BIRC2: variants seen among roughly 807,000 people sequenced by gnomAD.
BIRC2 encodes baculoviral IAP repeat containing 2, also known as baculoviral IAP repeat-containing protein 2.
In BIRC2, 18 loss-of-function variants were observed where a neutral mutation model predicts 60.9. That is an observed-to-expected ratio of 0.30 (90% CI 0.20 to 0.44). The LOEUF (loss-of-function observed/expected upper bound fraction) is 0.44, where lower values mean the gene tolerates loss of function less well. BIRC2 is among the 20% of genes least tolerant of loss of function. The pLI, the probability that BIRC2 is intolerant of heterozygous loss-of-function variation, is 1.00. For synonymous variants in BIRC2, 282 were observed against 247.7 expected (o/e 1.14, Z -1.30); for missense variants, 701 against 728.5 (o/e 0.96, Z 0.43).
chr11:102,369,018 G>A (rs555259041), intron 6 of BIRC2, among the ~76,000 whole-genome samples: 47 of 151,544 alleles, frequency 3.1e-4, no homozygotes, highest in Admixed American at 9.9e-4. Context: ...GAAATTCTGG[G>A]GCTTGATGAG....
In BIRC2 at chr11:102,350,403, T is replaced by C. The variant is rs1565330463; in HGVS notation, c.549T>C (p.Thr183=). 1.2e-6 allele frequency: 2 copies of C among 1,614,240 alleles called. No individual in the cohort carries two copies. Among genetic ancestry groups the C allele is most frequent in the African/African-American group, 1.3e-5 (1 of 75,068 alleles). ...ACCCCTACAGTTATGCAATGAGTAC[T>C]GAAGAAGCCAGATTTCTTACCTACC... ...RTNPYSYAMS[T]EEARFLTYHM... Residue 183 remains threonine (T), a synonymous_variant, in exon 2 of 9, where the codon ACT becomes ACC. Coordinates refer to ENST00000227758, the MANE Select transcript of BIRC2 (RefSeq NM_001166.5).
intron 3 of BIRC2, among the ~76,000 whole-genome samples, chr11:102,362,421 A>G (rs531485547): frequency 6.6e-6 from 1 of 152,356 alleles, no homozygotes; most frequent in Admixed American, 6.5e-5. Context: ...ATAGATAAAA[A>G]TATTTGATTC....
intron 4 of BIRC2, 75 bp downstream of exon 4, chr11:102,363,049 A>C: frequency 8.6e-7 from 1 of 1,161,204 alleles, no homozygotes; most frequent in Non-Finnish European, 1.2e-6. Context: ...TTGGTATAAA[A>C]GTGATCATGA....
In BIRC2 at chr11:102,378,244, G is replaced by A; in HGVS notation, c.*61G>A. The A allele has an allele frequency of 3.9e-6, 5 of 1,292,348 alleles. No homozygotes were observed. Among genetic ancestry groups the A allele is most frequent in the Non-Finnish European group, 4.1e-6 (4 of 965,594 alleles). 80.1% of individuals were successfully genotyped at this position (1,292,348 alleles called of 1,614,324 possible). A position where few individuals can be genotyped will look rare whatever the true frequency, so the allele number is the denominator to read the frequency against. ...GTCTTTAAAATATTGTTGAACACTT[G>A]AAGCCATCTAAAGTAAAAAGGGAAT... is the stretch of plus-strand genomic sequence containing the variant. On this transcript the variant is annotated 3_prime_UTR_variant, in exon 9 of 9. Coordinates refer to ENST00000227758, the MANE Select transcript of BIRC2 (RefSeq NM_001166.5).
At position 102,349,892 on chromosome 11, in the gene BIRC2, C is replaced by G; in HGVS notation, c.38C>G (p.Pro13Arg). ...KTASQRLFPGPSYQNIKSIME... is the reference protein window; with the variant it reads ...KTASQRLFPGRSYQNIKSIME... ...GCCTCCCAAAGACTTTTCCCAGGTCCCTCGTATCAAAACATTAAGAGTATA... is the reference window on the plus strand; with the variant it reads ...GCCTCCCAAAGACTTTTCCCAGGTCGCTCGTATCAAAACATTAAGAGTATA... The change falls in exon 2 of 9, where the codon CCC becomes CGC. Residue 13 changes from proline (P) to arginine (R), a missense_variant. This residue lies in a region of BIRC2 where 375 missense variants were observed against 365.9 expected (regional missense o/e 1.02). Coordinates refer to ENST00000227758, the MANE Select transcript of BIRC2 (RefSeq NM_001166.5). The G allele has an allele frequency of 6.2e-7, 1 of 1,612,216 alleles. No homozygotes were observed.
chr11:102,372,738 C>G (rs1334180329), intron 6 of BIRC2, among the ~76,000 whole-genome samples: 2 of 130,602 alleles, frequency 1.5e-5, no homozygotes, highest in Non-Finnish European at 3.2e-5. Context: ...CTTTCTGTCT[C>G]GTTGATCTGT....
intron 6 of BIRC2, among the ~76,000 whole-genome samples, chr11:102,376,189 A>C (rs185435568): frequency 2.8e-4 from 43 of 152,340 alleles, no homozygotes; most frequent in African/African-American, 8.7e-4. Context: ...GGAAAGGGCA[A>C]GTAAGGAATA....
chr11:102,364,156 T>TATATATATATATATATATAC (rs1427968565), intron 5 of BIRC2, among the ~76,000 whole-genome samples: 1 of 70,016 alleles, frequency 1.4e-5, no homozygotes, highest in Non-Finnish European at 2.8e-5. Context: ...TATATATATA[T>TATATATATATATATATATAC]ATATATATAT....
intron 3 of BIRC2, among the ~76,000 whole-genome samples, chr11:102,360,001 C>T (rs1396858443): frequency 1.4e-5 from 2 of 144,848 alleles, no homozygotes; most frequent in Admixed American, 7.1e-5. Flanking sequence ...GTGTCTTGTT[C>T]TGTCACCCAG....
At position 102,377,618 on chromosome 11, in the gene BIRC2, A is replaced by C; in HGVS notation, c.1489A>C (p.Lys497Gln). 6.2e-7 allele frequency: 1 copy of C among 1,612,090 alleles called. No individual in the cohort carries two copies. The highest frequency in any genetic ancestry group is 8.5e-7 in the Non-Finnish European group (1 of 1,179,446). ...TAATAAACAGGAACATGATATTATT[A>C]AACAAAAAACACAGATACCTTTACA... ...VINKQEHDII[K>Q]QKTQIPLQAR... is the part of the protein sequence containing the mutation. Residue 497 changes from lysine (K) to glutamine (Q), a missense_variant, in exon 7 of 9, where the codon AAA (lysine) becomes CAA (glutamine). This residue lies in a region of BIRC2 where 235 missense variants were observed against 208.9 expected (regional missense o/e 1.12). Coordinates refer to ENST00000227758, the MANE Select transcript of BIRC2 (RefSeq NM_001166.5).
intron 6 of BIRC2, among the ~76,000 whole-genome samples, chr11:102,369,925 G>A (rs1390725210): frequency 6.6e-6 from 1 of 150,794 alleles, no homozygotes; most frequent in African/African-American, 2.4e-5. Context: ...GTGATGATGA[G>A]CATTTTTTCA....
In BIRC2 at chr11:102,378,121, C is replaced by T. The variant is rs61757630; in HGVS notation, c.1795C>T (p.Leu599=). The T allele has an allele frequency of 2.1e-4, 344 of 1,613,446 alleles. 2 individuals are homozygous for T. The South Asian group carries it at 3.5e-3, about 17-fold the overall frequency. Residue 599 remains leucine (L), a synonymous_variant, in exon 9 of 9, where the codon CTA becomes TTA. Coordinates refer to ENST00000227758, the MANE Select transcript of BIRC2 (RefSeq NM_001166.5). ...LVVCQECAPS[L]RKCPICRGII... Reference sequence around the variant, plus strand: ...AGTATGCCAGGAATGTGCCCCTTCTCTAAGAAAATGCCCTATTTGCAGGGG... The same window carrying T: ...AGTATGCCAGGAATGTGCCCCTTCTTTAAGAAAATGCCCTATTTGCAGGGG...
intron 5 of BIRC2, 138 bp downstream of exon 5, chr11:102,363,854 C>T (rs1179516466): frequency 1.3e-5 from 7 of 542,180 alleles, no homozygotes; most frequent in African/African-American, 7.8e-5. Flanking sequence ...GTCAGGAGTT[C>T]GAGACCAGCC....
intron 6 of BIRC2, among the ~76,000 whole-genome samples, chr11:102,372,843 G>T (rs1260968064): frequency 3.5e-5 from 4 of 112,936 alleles, no homozygotes; most frequent in Non-Finnish European, 7.1e-5. Flanking sequence ...TTATGAATCT[G>T]GGTGCTCCTG....
intron 5 of BIRC2, among the ~76,000 whole-genome samples, chr11:102,365,222 A>G (rs1365818832): frequency 1.3e-5 from 2 of 152,076 alleles, no homozygotes; most frequent in African/African-American, 4.8e-5. Context: ...CCTACTGTCA[A>G]CTTAAGAAGG....
chr11:102,352,482 C>G (rs1187719463), intron 3 of BIRC2, among the ~76,000 whole-genome samples: 1 of 152,028 alleles, frequency 6.6e-6, no homozygotes, highest in East Asian at 1.9e-4. Flanking sequence ...ACGATCTTGG[C>G]TCACTGCAAC....
intron 5 of BIRC2, 74 bp downstream of exon 5, chr11:102,363,790 C>T: frequency 1.6e-6 from 2 of 1,212,818 alleles, no homozygotes; most frequent in East Asian, 2.5e-5. Context: ...GGTGCAGTGG[C>T]TCATGCCTGT....
chr11:102,348,262 G>A (rs893786230), intron 1 of BIRC2: 2 of 152,548 alleles, frequency 1.3e-5, no homozygotes, highest in South Asian at 4.1e-4. Flanking sequence ...TTTAACCAAT[G>A]TGCCTTTGCC....
intron 3 of BIRC2, among the ~76,000 whole-genome samples, chr11:102,357,991 CATTG>C (rs1214860028): frequency 2.0e-5 from 3 of 151,900 alleles, no homozygotes; most frequent in Non-Finnish European, 4.4e-5. Flanking sequence ...TTCTTTGACC[CATTG>C]ATTATTCAGG....
Sources: gnomAD v4.1 joint callset for allele counts (sites outside exome capture counted in the v4.1 genomes callset) on GRCh38, gnomAD v4.1.1 for gene constraint, gnomAD v4.1.1 regional missense constraint, MANE v1.5 for transcripts, NCBI Gene and HGNC (gene_info 2026-07-23, HGNC 2026-07-21) for gene names.